NOS1AP: variants seen among roughly 807,000 people sequenced by gnomAD.
NOS1AP encodes nitric oxide synthase 1 adaptor protein, also known as carboxyl-terminal PDZ ligand of neuronal nitric oxide synthase protein.
A neutral mutation model predicts 56.2 loss-of-function variants in NOS1AP; 21 were observed. That is an observed-to-expected ratio of 0.37 (90% confidence interval 0.26 to 0.54). The LOEUF (loss-of-function observed/expected upper bound fraction) is 0.54. Among genes scored for constraint, NOS1AP ranks in the 20% least tolerant of loss-of-function variants. The pLI is 0.84. For synonymous variants in NOS1AP, 270 were observed against 274.6 expected (o/e 0.98, Z 0.17); for missense variants, 522 against 657.8 (o/e 0.79, Z 2.26).
intron 2 of NOS1AP, among the ~76,000 whole-genome samples, chr1:162,217,495 C>A (rs1206807893): frequency 1.3e-5 from 2 of 151,890 alleles, no homozygotes; most frequent in African/African-American, 4.8e-5. Flanking sequence ...GAACTCCTGG[C>A]CTCAAGTGAT....
intron 2 of NOS1AP, among the ~76,000 whole-genome samples, chr1:162,172,220 GCA>G (rs1463813002): frequency 6.6e-6 from 1 of 152,198 alleles, no homozygotes; most frequent in Non-Finnish European, 1.5e-5. Flanking sequence ...CCAGTAAATG[GCA>G]ACTAAAGAGG....
At chr1:162,290,285 G>C (rs1258948165) in intron 3 of NOS1AP, among the ~76,000 whole-genome samples, 1 of 152,206 alleles carries the variant, frequency 6.6e-6, no homozygotes, top group Non-Finnish European at 1.5e-5. Flanking sequence ...GTCCGTTCCA[G>C]GGCCGTGGCT....
chr1:162,285,904 G>A (rs1384235613), intron 2 of NOS1AP, among the ~76,000 whole-genome samples: 1 of 152,188 alleles, frequency 6.6e-6, no homozygotes, highest in East Asian at 1.9e-4. Context: ...AATCAGCTGT[G>A]ACCAGAGCCT....
At chr1:162,104,034 G>A (rs1558100078) in intron 1 of NOS1AP, among the ~76,000 whole-genome samples, 1 of 152,216 alleles carries the variant, frequency 6.6e-6, no homozygotes, top group Non-Finnish European at 1.5e-5. Flanking sequence ...AGTTTTTGTA[G>A]TGGCTAGTAA....
At chr1:162,158,544 T>A (rs1453820304) in intron 2 of NOS1AP, among the ~76,000 whole-genome samples, 3 of 152,260 alleles carry the variant, frequency 2.0e-5, no homozygotes, top group Non-Finnish European at 4.4e-5. Flanking sequence ...GTCCCATTTT[T>A]AATTTTTTTG....
intron 2 of NOS1AP, among the ~76,000 whole-genome samples, chr1:162,268,594 G>A (rs1654494349): frequency 6.6e-6 from 1 of 152,090 alleles, no homozygotes; most frequent in Admixed American, 6.5e-5. Flanking sequence ...ACTCTCCAAC[G>A]CAGAAAAAGA....
chr1:162,352,402 C>T (rs1271695010), intron 6 of NOS1AP, among the ~76,000 whole-genome samples: 1 of 151,574 alleles, frequency 6.6e-6, no homozygotes, highest in Non-Finnish European at 1.5e-5. Flanking sequence ...TGGAATTTCT[C>T]CTGGACTTGC....
Position 162,177,252 on chromosome 1 carries a change from C to T in NOS1AP, c.177+22776C>T, listed in dbSNP as rs575653403. ...GGGCTTAGCTGAGCCCCAAGGATTA[C>T]GCCATTGTGTTAATTAGGAACTTAA... On this transcript the variant is annotated intron_variant, in intron 2 of 9. Coordinates refer to ENST00000361897, the MANE Select transcript of NOS1AP (RefSeq NM_014697.3). Among the ~76,000 whole-genome samples, 114 of 152,262 alleles carry T rather than the reference C, an allele frequency of 7.5e-4. No homozygotes were observed. The South Asian group carries it at 9.5e-3, about 13-fold the overall frequency.
At chr1:162,253,804 T>C (rs546487287) in intron 2 of NOS1AP, among the ~76,000 whole-genome samples, 9 of 152,324 alleles carry the variant, frequency 5.9e-5, no homozygotes, top group African/African-American at 2.2e-4. Flanking sequence ...AGCCACTTTT[T>C]TTCTCTTATA....
rs370269880 is a variant in NOS1AP, at chr1:162,132,510, T to C, written c.106-21895T>C. On this transcript the variant is annotated intron_variant, in intron 1 of 9. Transcript: ENST00000361897. ...GAGATTTCTCCGTGACCTTCAGGTC[T>C]AGTGAAACACAGGAGAATTGCCTTT... 1.6e-3 allele frequency among the ~76,000 whole-genome samples: 243 copies of C among 152,390 alleles called. 3 individuals carry two copies. In the South Asian group the frequency reaches 0.018, roughly 11 times the overall value.
chr1:162,095,120 G>T (rs1692210419), intron 1 of NOS1AP, among the ~76,000 whole-genome samples: 1 of 152,196 alleles, frequency 6.6e-6, no homozygotes, highest in Non-Finnish European at 1.5e-5. Flanking sequence ...AAATTTCTTA[G>T]TGAGGATTGA....
intron 3 of NOS1AP, among the ~76,000 whole-genome samples, chr1:162,298,508 C>A (rs935580928): frequency 5.8e-4 from 88 of 152,222 alleles, no homozygotes; most frequent in African/African-American, 1.8e-3. Flanking sequence ...AGAGTGGGAA[C>A]CCAGCCTTAA....
At chr1:162,178,619 G>C (rs1269282959) in intron 2 of NOS1AP, among the ~76,000 whole-genome samples, 4 of 152,314 alleles carry the variant, frequency 2.6e-5, no homozygotes, top group African/African-American at 7.2e-5. Flanking sequence ...TGATGCCAGA[G>C]CTTTTCCCAC....
chr1:162,311,499 G>A (rs1219274062), intron 4 of NOS1AP, among the ~76,000 whole-genome samples: 1 of 151,934 alleles, frequency 6.6e-6, no homozygotes, highest in Non-Finnish European at 1.5e-5. Context: ...AGGCATGGTG[G>A]CTCCAAGTTA....
intron 4 of NOS1AP, among the ~76,000 whole-genome samples, chr1:162,314,037 T>C (rs540710400): frequency 1.8e-4 from 28 of 152,306 alleles, no homozygotes; most frequent in Non-Finnish European, 3.7e-4. Flanking sequence ...AATACATACT[T>C]CACGACAAAG....
chr1:162,198,874 G>A (rs566627780), intron 2 of NOS1AP, among the ~76,000 whole-genome samples: 1 of 152,254 alleles, frequency 6.6e-6, no homozygotes, highest in South Asian at 2.1e-4. Flanking sequence ...CTTCTGAGGC[G>A]AGAGAGAGGA....
At chr1:162,116,366 T>G (rs1253727882) in intron 1 of NOS1AP, among the ~76,000 whole-genome samples, 13 of 152,162 alleles carry the variant, frequency 8.5e-5, no homozygotes, top group Non-Finnish European at 1.8e-4. Context: ...ATGCCATCCA[T>G]GGGATGTAGA....
chr1:162,300,611 A>G (rs1292979971), intron 3 of NOS1AP, 22 bp from the exon 4 acceptor site: 2 of 1,605,424 alleles, frequency 1.2e-6, no homozygotes, highest in East Asian at 4.5e-5. Flanking sequence ...ACTGAGGACA[A>G]GCCTAACTTA....
At chr1:162,274,634 T>C (rs1204402279) in intron 2 of NOS1AP, among the ~76,000 whole-genome samples, 1 of 152,232 alleles carries the variant, frequency 6.6e-6, no homozygotes, top group Non-Finnish European at 1.5e-5. Flanking sequence ...CTTGGGTGAA[T>C]ACCCTATTGT....
Sources: allele counts gnomAD v4.1 joint callset (sites outside exome capture counted in the v4.1 genomes callset), GRCh38; gene constraint gnomAD v4.1.1; transcripts MANE v1.5; gene names NCBI Gene and HGNC (gene_info 2026-07-23, HGNC 2026-07-21).